CAMK2A: variants seen among roughly 807,000 people sequenced by gnomAD.
CAMK2A encodes calcium/calmodulin-dependent protein kinase type II subunit alpha.
Under a neutral mutation model 79.2 loss-of-function variants are expected in CAMK2A, and 7 were observed. The observed-to-expected ratio is 0.09, with a 90% CI of 0.05 to 0.17. CAMK2A has a LOEUF of 0.17. Ranked by LOEUF, CAMK2A falls within the 10% of genes least tolerant of loss-of-function variation. CAMK2A has a pLI of 1.00. For synonymous variants in CAMK2A, 242 were observed against 251.7 expected (o/e 0.96, Z 0.36); for missense variants, 214 against 646.4 (o/e 0.33, Z 7.25).
At chr5:150,243,972 C>G (rs1182556988) in intron 13 of CAMK2A, among the ~76,000 whole-genome samples, 2 of 152,214 alleles carry the variant, frequency 1.3e-5, no homozygotes, top group Non-Finnish European at 2.9e-5. Context: ...CCAGAGGTGC[C>G]TCCCCAGTCC....
intron 15 of CAMK2A, among the ~76,000 whole-genome samples, chr5:150,234,449 A>T (rs974325173): frequency 2.0e-5 from 3 of 152,164 alleles, no homozygotes; most frequent in Admixed American, 6.5e-5. Flanking sequence ...TATAATGAAG[A>T]TACTAATAGT....
chr5:150,283,274 G>A (rs2150310604), intron 1 of CAMK2A, among the ~76,000 whole-genome samples: 1 of 152,336 alleles, frequency 6.6e-6, no homozygotes, highest in South Asian at 2.1e-4. Context: ...ATGCTCCACT[G>A]AAATACATAC....
intron 1 of CAMK2A, among the ~76,000 whole-genome samples, chr5:150,280,210 A>C (rs1408648180): frequency 6.6e-6 from 1 of 152,168 alleles, no homozygotes; most frequent in Non-Finnish European, 1.5e-5. Context: ...GCCACGTTAC[A>C]TCTGTGAGTC....
chr5:150,269,214 G>C (rs1001148254), intron 2 of CAMK2A, among the ~76,000 whole-genome samples: 2 of 152,200 alleles, frequency 1.3e-5, no homozygotes, highest in African/African-American at 4.8e-5. Context: ...GATATCTTGG[G>C]AACCTTTTTG....
intron 15 of CAMK2A, among the ~76,000 whole-genome samples, chr5:150,234,715 G>A (rs1355909117): frequency 1.3e-5 from 2 of 152,104 alleles, no homozygotes; most frequent in Non-Finnish European, 2.9e-5. Flanking sequence ...CTCTAGTCAG[G>A]GCAGGGATAT....
chr5:150,260,179 G>C (rs889040817), intron 3 of CAMK2A, among the ~76,000 whole-genome samples: 2 of 152,058 alleles, frequency 1.3e-5, no homozygotes, highest in Middle Eastern at 3.4e-3. Context: ...TGTATTGGCC[G>C]GGCACAGTGG....
chr5:150,237,155 C>T (rs1450998482), intron 15 of CAMK2A, among the ~76,000 whole-genome samples: 2 of 152,202 alleles, frequency 1.3e-5, no homozygotes, highest in South Asian at 2.1e-4. Flanking sequence ...ACACACGGGG[C>T]GGGTCTCATC....
At chr5:150,283,040 G>A (rs1199912397) in intron 1 of CAMK2A, among the ~76,000 whole-genome samples, 1 of 152,214 alleles carries the variant, frequency 6.6e-6, no homozygotes, top group East Asian at 1.9e-4. Context: ...GTTGGGGAAG[G>A]GGGAGACATA....
intron 2 of CAMK2A, among the ~76,000 whole-genome samples, chr5:150,270,533 C>T (rs1196796092): frequency 7.9e-5 from 12 of 152,146 alleles, no homozygotes. Flanking sequence ...CAGAAGTCAC[C>T]CAGGAGCACC....
At chr5:150,226,045 C>T (rs1580894474) in intron 17 of CAMK2A, among the ~76,000 whole-genome samples, 1 of 152,166 alleles carries the variant, frequency 6.6e-6, no homozygotes. Flanking sequence ...CGCACCCGGC[C>T]GAGAATTCAA....
chr5:150,228,207 A>T lies in CAMK2A; in HGVS notation c.1222T>A (p.Phe408Ile). The change falls in exon 17 of 19, where the codon TTC (phenylalanine) becomes ATC (isoleucine). Residue 408 changes from phenylalanine to isoleucine, a missense_variant. Physicochemically the swap from Phe to Ile is conservative, Grantham distance 21 (BLOSUM62 0). Transcript: ENST00000671881. ...AATTGCTCACGGTTTTCAAAATAGAATCGATGGAAGTCCAGGCCCTCAACC... is the reference window on the plus strand; with the variant it reads ...AATTGCTCACGGTTTTCAAAATAGATTCGATGGAAGTCCAGGCCCTCAACC... ...NLVEGLDFHRFYFENLWSRNS... is the reference protein window; with the variant it reads ...NLVEGLDFHRIYFENLWSRNS... 1.2e-6 allele frequency: 2 copies of T among 1,613,354 alleles called. No homozygotes were observed. Among genetic ancestry groups the T allele is most frequent in the Non-Finnish European group, 1.7e-6 (2 of 1,179,562 alleles).
At chr5:150,253,406 G>T in intron 7 of CAMK2A, 38 bp downstream of exon 7, 2 of 1,497,770 alleles carry the variant, frequency 1.3e-6, no homozygotes, top group Non-Finnish European at 9.3e-7. Context: ...ACAAATGGGT[G>T]CTGACCCCCA....
At chr5:150,288,313 G>A (rs1757517091) in intron 1 of CAMK2A, among the ~76,000 whole-genome samples, 1 of 152,068 alleles carries the variant, frequency 6.6e-6, no homozygotes, top group South Asian at 2.1e-4. Context: ...AATGAGTCAT[G>A]TTTACACCCT....
chr5:150,283,270 C>A (rs564192569), intron 1 of CAMK2A, among the ~76,000 whole-genome samples: 71 of 152,336 alleles, frequency 4.7e-4, no homozygotes, highest in Non-Finnish European at 8.8e-4. Flanking sequence ...TGACATGCTC[C>A]ACTGAAATAC....
In CAMK2A at chr5:150,251,870, A is replaced by G. The variant is rs1482376271; in HGVS notation, c.599-26T>C. On this transcript the variant is annotated intron_variant, in intron 8 of 18. Transcript: ENST00000671881. ...CTGGAAAGAGGACCAGAGAACCTTC[A>G]ACCCCCTGTGGGGAGGAGACATGGG... 8.9e-6 allele frequency: 14 copies of G among 1,579,106 alleles called. No homozygotes were observed. In the Admixed American group the frequency reaches 1.6e-4, roughly 18 times the overall value.
chr5:150,276,467 T>TTTTCAGGATTTTCAGATTCCTATTCA (rs1170205490), intron 1 of CAMK2A, among the ~76,000 whole-genome samples: 1 of 151,868 alleles, frequency 6.6e-6, no homozygotes, highest in African/African-American at 2.4e-5. Flanking sequence ...TCAGATGGGG[T>TTTTCAGGATTTTCAGATTCCTATTCA]GTTAGGAATA....
chr5:150,257,653 C>T, intron 3 of CAMK2A, 36 bp from the exon 4 acceptor site: 1 of 1,509,656 alleles, frequency 6.6e-7, no homozygotes, highest in Non-Finnish European at 9.0e-7. Context: ...TACAGTGGGA[C>T]ACACTGCTGC....
intron 1 of CAMK2A, among the ~76,000 whole-genome samples, chr5:150,273,438 C>A (rs571415932): frequency 2.0e-5 from 3 of 152,206 alleles, no homozygotes; most frequent in Admixed American, 1.3e-4. Context: ...ACATTAGAAT[C>A]ACGTAGTGTT....
intron 2 of CAMK2A, among the ~76,000 whole-genome samples, chr5:150,266,359 G>A (rs538180992): frequency 7.2e-5 from 11 of 152,350 alleles, no homozygotes; most frequent in East Asian, 5.8e-4. Context: ...TGAAGCCTCC[G>A]TGGTGGCAGA....
Sources: allele counts gnomAD v4.1 joint callset (sites outside exome capture counted in the v4.1 genomes callset), GRCh38; gene constraint gnomAD v4.1.1; transcripts MANE v1.5; gene names NCBI Gene and HGNC (gene_info 2026-07-23, HGNC 2026-07-21).